The following SHISA9 variants were observed in gnomAD, a reference collection of about 807,000 sequenced individuals.
SHISA9 encodes the protein protein shisa-9.
SHISA9 carries 13 observed loss-of-function variants against 38.0 expected under a neutral mutation model. That is an observed-to-expected ratio of 0.34 (90% confidence interval 0.22 to 0.54). The LOEUF (loss-of-function observed/expected upper bound fraction) is 0.54, where lower values mean the gene tolerates loss of function less well. Among genes scored for constraint, SHISA9 ranks in the 20% least tolerant of loss-of-function variants. The pLI is 0.91. For synonymous variants in SHISA9, 275 were observed against 242.0 expected (o/e 1.14, Z -1.27); for missense variants, 538 against 575.8 (o/e 0.93, Z 0.67).
chr16:13,307,442 G>A, the SHISA9 span, among the ~76,000 whole-genome samples: 20 of 152,290 alleles, frequency 1.3e-4, no homozygotes, highest in South Asian at 2.1e-4. Flanking sequence ...AAGGGGATAC[G>A]CTTTCTGTTC....
the SHISA9 span, among the ~76,000 whole-genome samples, chr16:13,416,972 T>C: frequency 6.6e-6 from 1 of 152,146 alleles, no homozygotes; most frequent in East Asian, 1.9e-4. Context: ...TAAAATTACC[T>C]CTGGAAGAAA....
the SHISA9 span, among the ~76,000 whole-genome samples, chr16:13,412,548 T>G: frequency 1.3e-5 from 2 of 151,956 alleles, no homozygotes; most frequent in Non-Finnish European, 2.9e-5. Flanking sequence ...GTTCCTGACT[T>G]CGGGCAGCTC....
chr16:13,484,323 G>T, the SHISA9 span, among the ~76,000 whole-genome samples: 1 of 152,094 alleles, frequency 6.6e-6, no homozygotes, highest in Non-Finnish European at 1.5e-5. Context: ...TTCACCCCTT[G>T]TACAATTGTA....
At chr16:13,382,567 A>C in the SHISA9 span, among the ~76,000 whole-genome samples, 1 of 149,928 alleles carries the variant, frequency 6.7e-6, no homozygotes, top group Admixed American at 6.7e-5. Flanking sequence ...AAGAAAAAAA[A>C]CAGGCGTGGT....
At chr16:13,218,724 G>C (rs2051194386) in intron 4 of SHISA9, among the ~76,000 whole-genome samples, 1 of 152,200 alleles carries the variant, frequency 6.6e-6, no homozygotes, top group South Asian at 2.1e-4. Flanking sequence ...CTAGCCCATA[G>C]TAGGTACTCA....
chr16:13,547,074 G>A, the SHISA9 span, among the ~76,000 whole-genome samples: 299 of 152,240 alleles, frequency 2.0e-3, 2 homozygotes, highest in Non-Finnish European at 3.4e-3. Flanking sequence ...ATATCATTAT[G>A]TTGTTTTAAT....
the SHISA9 span, among the ~76,000 whole-genome samples, chr16:13,308,442 A>C: frequency 6.6e-6 from 1 of 152,316 alleles, no homozygotes; most frequent in South Asian, 2.1e-4. Flanking sequence ...CTGAGGTTGC[A>C]TTATTCAAGG....
the SHISA9 span, among the ~76,000 whole-genome samples, chr16:13,388,866 C>G: frequency 6.6e-6 from 1 of 152,100 alleles, no homozygotes; most frequent in East Asian, 1.9e-4. Flanking sequence ...TAGCATTCTT[C>G]CAAATGAGAT....
intron 2 of SHISA9, among the ~76,000 whole-genome samples, chr16:12,984,340 C>T (rs918325094): frequency 1.3e-5 from 2 of 152,222 alleles, no homozygotes; most frequent in African/African-American, 2.4e-5. Context: ...GAGGACTTCA[C>T]ATTAAATTTC....
At chr16:13,482,394 T>A in the SHISA9 span, among the ~76,000 whole-genome samples, 1 of 152,270 alleles carries the variant, frequency 6.6e-6, no homozygotes, top group Non-Finnish European at 1.5e-5. Context: ...CCCAGCGGTA[T>A]TCACCATGCC....
At chr16:13,224,507 A>G (rs2051260144) in intron 4 of SHISA9, among the ~76,000 whole-genome samples, 1 of 152,178 alleles carries the variant, frequency 6.6e-6, no homozygotes, top group Non-Finnish European at 1.5e-5. Flanking sequence ...TGTCATTGGA[A>G]CTGGAATATC....
In SHISA9 at chr16:13,162,204, G is replaced by A. The variant is rs186932520; in HGVS notation, c.692-41190G>A. Among the ~76,000 whole-genome samples the A allele has an allele frequency of 1.1e-4, 16 of 152,112 alleles. 1 individual carries two copies. The highest frequency in any genetic ancestry group is 3.3e-4 in the Admixed American group (5 of 15,270). On this transcript the variant is annotated intron_variant, in intron 2 of 4. Transcript: ENST00000558583. Reference sequence around the variant, plus strand: ...GGGGTGGGAGACAGCTTTCTCCTGGGGACAGAGTGTATGCATATTATTCTC... The same window carrying A: ...GGGGTGGGAGACAGCTTTCTCCTGGAGACAGAGTGTATGCATATTATTCTC...
intron 2 of SHISA9, among the ~76,000 whole-genome samples, chr16:12,996,343 A>G (rs2072457184): frequency 6.6e-6 from 1 of 152,206 alleles, no homozygotes; most frequent in Admixed American, 6.5e-5. Flanking sequence ...TTTCCCACGT[A>G]GCAACCATCA....
At position 13,239,238 on chromosome 16, in the gene SHISA9, G is replaced by C. The variant is rs1318974542; in HGVS notation, c.*3829G>C. 3.3e-5 allele frequency: 5 copies of C among 151,918 alleles called. No homozygotes were observed. The highest frequency in any genetic ancestry group is 1.5e-5 in the Non-Finnish European group (1 of 68,016). The allele number at this position is 151,918 out of a possible 1,614,324, so 9.4% of individuals were successfully genotyped here. ...CATTTTCTTAATCCAGTCTATCCTT[G>C]TTGGACTTTTGGGTTGGTTCCAAGT... On this transcript the variant is annotated 3_prime_UTR_variant, in exon 5 of 5. Coordinates refer to ENST00000558583, the MANE Select transcript of SHISA9 (RefSeq NM_001145204.3).
chr16:13,180,587 A>G (rs1378189186), intron 2 of SHISA9, among the ~76,000 whole-genome samples: 1 of 152,172 alleles, frequency 6.6e-6, no homozygotes, highest in Non-Finnish European at 1.5e-5. Context: ...CTTCTCAGCT[A>G]CTTGGGAGGC....
chr16:13,143,957 G>A (rs1048762544), intron 2 of SHISA9, among the ~76,000 whole-genome samples: 10 of 152,108 alleles, frequency 6.6e-5, no homozygotes, highest in Non-Finnish European at 1.3e-4. Flanking sequence ...CTGCACATTT[G>A]TCACCAAGAG....
the SHISA9 span, among the ~76,000 whole-genome samples, chr16:13,512,123 C>T: frequency 6.6e-6 from 1 of 152,048 alleles, no homozygotes; most frequent in African/African-American, 2.4e-5. Flanking sequence ...TAAAGTGTTT[C>T]CAAGTAACCT....
intron 2 of SHISA9, among the ~76,000 whole-genome samples, chr16:13,046,809 A>G (rs1002420345): frequency 1.3e-5 from 2 of 152,078 alleles, no homozygotes; most frequent in African/African-American, 4.8e-5. Flanking sequence ...TGATAACATT[A>G]TTCCCTCTGC....
At chr16:13,300,087 A>C in the SHISA9 span, among the ~76,000 whole-genome samples, 2 of 152,090 alleles carry the variant, frequency 1.3e-5, no homozygotes, top group African/African-American at 4.8e-5. Context: ...GGAAAGACAG[A>C]CTAAAATTGC....
Sources: gnomAD v4.1 joint callset for allele counts (sites outside exome capture counted in the v4.1 genomes callset) on GRCh38, gnomAD v4.1.1 for gene constraint, MANE v1.5 for transcripts, NCBI Gene and HGNC (gene_info 2026-07-23, HGNC 2026-07-21) for gene names.